QKI: variants seen among roughly 807,000 people sequenced by gnomAD.
QKI encodes the protein QKI, KH domain containing RNA binding.
A neutral mutation model predicts 39.0 loss-of-function variants in QKI; 10 were observed. That is an observed-to-expected ratio of 0.26 (90% CI 0.16 to 0.43). The LOEUF (loss-of-function observed/expected upper bound fraction) is 0.43, where lower values mean the gene tolerates loss of function less well. Among genes scored for constraint, QKI ranks in the 20% least tolerant of loss-of-function variants. The pLI, the probability that QKI is intolerant of heterozygous loss-of-function variation, is 1.00. For missense variants in QKI, 218 were observed against 428.0 expected, an observed-to-expected ratio of 0.51 and a Z score of 4.33; for synonymous variants, 204 against 155.4, an observed-to-expected ratio of 1.31 and a Z score of -2.33.
intron 4 of QKI, among the ~76,000 whole-genome samples, chr6:163,556,603 A>G (rs930668476): frequency 1.3e-5 from 2 of 152,002 alleles, no homozygotes; most frequent in Non-Finnish European, 2.9e-5. Flanking sequence ...ATATTTATAC[A>G]TACCCATAAT....
rs1783763487 is a variant in QKI at position 163,572,671 on chromosome 6, C to CCCT, written c.*1963_*1964insTCC. Reference sequence around the variant, plus strand: ...GTGGCAAATCTCAAGTGACAGTGGACCCCCCCCCCCGCCCAGCTTATCAAC... The same window carrying CCCT: ...GTGGCAAATCTCAAGTGACAGTGGACCCTCCCCCCCCCCGCCCAGCTTATCAAC... On this transcript the variant is annotated 3_prime_UTR_variant, in exon 8 of 8. Coordinates refer to ENST00000361752, the MANE Select transcript of QKI (RefSeq NM_006775.3). 4.6e-5 allele frequency: 1 copy of CCCT among 21,530 alleles called. No individual in the cohort carries two copies. Among genetic ancestry groups the CCCT allele is most frequent in the African/African-American group, 2.3e-4 (1 of 4,388 alleles). The allele number at this position is 21,530 out of a possible 1,614,324, so 1.3% of individuals were successfully genotyped here. A position where few individuals can be genotyped will look rare whatever the true frequency, so the allele number is the denominator to read the frequency against.
chr6:163,534,468 T>TG (rs1168756589), intron 3 of QKI, among the ~76,000 whole-genome samples: 6 of 152,180 alleles, frequency 3.9e-5, no homozygotes, highest in Admixed American at 3.9e-4. Context: ...TGTAATGAAG[T>TG]GGAAAGATCA....
At chr6:163,472,362 G>T (rs565304088) in intron 2 of QKI, among the ~76,000 whole-genome samples, 30 of 152,268 alleles carry the variant, frequency 2.0e-4, no homozygotes, top group African/African-American at 7.0e-4. Context: ...GGAAGATTCA[G>T]GTTTGGTCTT....
chr6:163,440,871 GT>G (rs370250672), intron 1 of QKI, among the ~76,000 whole-genome samples: 11,925 of 148,340 alleles, frequency 0.08, 518 homozygotes, highest in Middle Eastern at 0.12. Context: ...TGGTAAGACA[GT>G]TTTTTTTTTT....
At chr6:163,540,915 T>C (rs144576863) in intron 4 of QKI, among the ~76,000 whole-genome samples, 109 of 152,214 alleles carry the variant, frequency 7.2e-4, no homozygotes, top group African/African-American at 2.5e-3. Flanking sequence ...TTCTAGAGTT[T>C]TATCAATTTT....
chr6:163,420,363 T>G (rs1366202557), intron 1 of QKI, among the ~76,000 whole-genome samples: 1 of 152,182 alleles, frequency 6.6e-6, no homozygotes, highest in Non-Finnish European at 1.5e-5. Flanking sequence ...AAGCAAAACT[T>G]GCCCTTCTCT....
chr6:163,565,926 T>A (rs758666797), intron 6 of QKI: 1 of 1,613,198 alleles, frequency 6.2e-7, no homozygotes, highest in African/African-American at 1.3e-5. Context: ...AATTTTTAAT[T>A]CCCTTCCTTT....
intron 3 of QKI, among the ~76,000 whole-genome samples, chr6:163,505,999 G>A (rs528113864): frequency 7.9e-5 from 12 of 152,174 alleles, no homozygotes; most frequent in Non-Finnish European, 1.3e-4. Context: ...TGCTGTTCTC[G>A]TGATAGTGAG....
At chr6:163,526,603 G>T (rs1243137679) in intron 3 of QKI, among the ~76,000 whole-genome samples, 1 of 152,082 alleles carries the variant, frequency 6.6e-6, no homozygotes, top group Non-Finnish European at 1.5e-5. Context: ...TTAAATATTT[G>T]CCAGCTTTAA....
At chr6:163,568,794 C>G (rs943869979) in intron 7 of QKI, 38 of 984,954 alleles carry the variant, frequency 3.9e-5, no homozygotes, top group Admixed American at 6.2e-5. Flanking sequence ...AAACTCACCT[C>G]TTTATATATA....
rs114757412 is a variant in QKI at position 163,433,798 on chromosome 6, C to T, written c.142+18463C>T. ...AAAAAGAATGAACCACGAAAGGTAG[C>T]ATGCCTTGCACTTTTAAAATGCTAC... On this transcript the variant is annotated intron_variant, in intron 1 of 7. Coordinates refer to ENST00000361752, the MANE Select transcript of QKI (RefSeq NM_006775.3). Among the ~76,000 whole-genome samples, 437 of 152,134 alleles carry T rather than the reference C, an allele frequency of 2.9e-3. 2 individuals are homozygous for T. The highest frequency in any genetic ancestry group is 9.8e-3 in the African/African-American group (405 of 41,508).
intron 2 of QKI, among the ~76,000 whole-genome samples, chr6:163,457,955 A>T (rs1041254347): frequency 2.0e-5 from 3 of 152,150 alleles, no homozygotes; most frequent in Admixed American, 6.6e-5. Context: ...TATGATGGGA[A>T]TGGAGAGACA....
At chr6:163,446,725 C>T (rs1308249196) in intron 1 of QKI, among the ~76,000 whole-genome samples, 5 of 152,104 alleles carry the variant, frequency 3.3e-5, no homozygotes, top group South Asian at 2.1e-4. Flanking sequence ...AAACAAAAGT[C>T]AGTTTAAATG....
In QKI at chr6:163,578,226, T is replaced by G. The variant is rs1777692578; in HGVS notation, c.*7516T>G. 6.6e-6 allele frequency: 1 copy of G among 152,158 alleles called. No individual in the cohort carries two copies. Among genetic ancestry groups the G allele is most frequent in the Admixed American group, 6.5e-5 (1 of 15,274 alleles). 9.4% of individuals were successfully genotyped at this position (152,158 alleles called of 1,614,324 possible). A position where few individuals can be genotyped will look rare whatever the true frequency, so the allele number is the denominator to read the frequency against. On this transcript the variant is annotated 3_prime_UTR_variant, in exon 8 of 8. Coordinates refer to ENST00000361752, the MANE Select transcript of QKI (RefSeq NM_006775.3). ...CATTGGTTACTTAACTGGATATTAA[T>G]ATAAAGGTTATTACAAGAAAAATGA...
chr6:163,492,150 C>T (rs1744924), intron 3 of QKI, among the ~76,000 whole-genome samples: 119,676 of 152,128 alleles, frequency 0.79, 47,236 homozygotes, highest in East Asian at 1. Flanking sequence ...AGCAATTGAT[C>T]TTTTCAAAAC....
At chr6:163,484,259 G>A (rs1395056758) in intron 3 of QKI, among the ~76,000 whole-genome samples, 2 of 150,616 alleles carry the variant, frequency 1.3e-5, no homozygotes, top group Non-Finnish European at 2.9e-5. Flanking sequence ...CTGGTGTGTA[G>A]TGGTGCAATC....
chr6:163,569,017 A>G (rs1311189570), intron 7 of QKI: 3 of 979,510 alleles, frequency 3.1e-6, no homozygotes, highest in Middle Eastern at 5.3e-4. Context: ...TAATACAAAA[A>G]CCATCACTTA....
At chr6:163,456,432 A>T (rs1173758540) in intron 2 of QKI, among the ~76,000 whole-genome samples, 1 of 152,212 alleles carries the variant, frequency 6.6e-6, no homozygotes, top group Non-Finnish European at 1.5e-5. Flanking sequence ...GAACCAAGAA[A>T]AGATGATGGC....
At chr6:163,448,264 G>C (rs192888093) in intron 1 of QKI, among the ~76,000 whole-genome samples, 3 of 151,708 alleles carry the variant, frequency 2.0e-5, no homozygotes, top group Admixed American at 1.3e-4. Context: ...TTTGGACTTA[G>C]GATTGTGAAG....
Sources: gnomAD v4.1 joint callset for allele counts (sites outside exome capture counted in the v4.1 genomes callset) on GRCh38, gnomAD v4.1.1 for gene constraint, MANE v1.5 for transcripts, NCBI Gene and HGNC (gene_info 2026-07-23, HGNC 2026-07-21) for gene names.